The following WNK1 variants were observed in gnomAD, a reference collection of about 807,000 sequenced individuals.
WNK1 encodes serine/threonine-protein kinase WNK1.
Under a neutral mutation model 222.8 loss-of-function variants are expected in WNK1, and 38 were observed. That is an observed-to-expected ratio of 0.17 (90% CI 0.13 to 0.22). The LOEUF (loss-of-function observed/expected upper bound fraction) is 0.22. Among genes scored for constraint, WNK1 ranks in the 10% least tolerant of loss-of-function variants. The pLI, the probability that WNK1 is intolerant of heterozygous loss-of-function variation, is 1.00. For missense variants in WNK1, 2,348 were observed against 2,918.4 expected (o/e 0.80, Z 4.50); for synonymous variants, 1,090 against 1,092.9 (o/e 1.00, Z 0.05).
chr12:900,651 C>A lies in WNK1; in HGVS notation c.6624C>A (p.Ser2208Arg), dbSNP rs72650768. The change falls in exon 26 of 28, where the codon AGC becomes AGA. Residue 2208 changes from serine (S) to arginine (R), a missense_variant. Ser to Arg is a moderately radical substitution (Grantham distance 110). Transcript: ENST00000315939. ...FTSDGAISVPSLSAPGQGTSS... is the reference protein window; with the variant it reads ...FTSDGAISVPRLSAPGQGTSS... Reference sequence around the variant, plus strand: ...GTGATGGTGCCATTTCAGTACCAAGCCTTTCTGCTCCAGGTCAAGGTAATA... The same window carrying A: ...GTGATGGTGCCATTTCAGTACCAAGACTTTCTGCTCCAGGTCAAGGTAATA... 2.0e-4 allele frequency: 315 copies of A among 1,614,174 alleles called. No homozygotes were observed. The African/African-American group carries it at 3.8e-3, about 20-fold the overall frequency.
chr12:869,655 C>T (rs1188675808), intron 8 of WNK1, among the ~76,000 whole-genome samples: 1 of 151,972 alleles, frequency 6.6e-6, no homozygotes, highest in Non-Finnish European at 1.5e-5. Flanking sequence ...GAAAAGGAAA[C>T]AGTTTAGGAA....
chr12:865,654 T>C (rs747202816), intron 8 of WNK1, among the ~76,000 whole-genome samples: 19 of 152,234 alleles, frequency 1.2e-4, no homozygotes, highest in Non-Finnish European at 2.8e-4. Flanking sequence ...CGACATAAAA[T>C]TCTTTCATTT....
chr12:868,863 G>A lies in WNK1; in HGVS notation c.2140-2402G>A, dbSNP rs780190242. Reference sequence around the variant, plus strand: ...ATCGGACAGAACTGGCCAATAGGAAGCCCAGAATATTCCAGTGATTCCTCA... The same window carrying A: ...ATCGGACAGAACTGGCCAATAGGAAACCCAGAATATTCCAGTGATTCCTCA... On this transcript the variant is annotated intron_variant, in intron 8 of 27. Transcript: ENST00000315939. The A allele has an allele frequency of 1.1e-5, 18 of 1,612,238 alleles. No individual in the cohort carries two copies. Among genetic ancestry groups the A allele is most frequent in the Non-Finnish European group, 1.1e-5 (13 of 1,178,720 alleles).
chr12:827,513 A>G lies in WNK1; in HGVS notation c.1153+251A>G. 2 of 535,146 alleles carry G rather than the reference A, an allele frequency of 3.7e-6. No individual in the cohort carries two copies. Among genetic ancestry groups the G allele is most frequent in the South Asian group, 2.5e-5 (1 of 40,792 alleles). The allele number at this position is 535,146 out of a possible 1,614,324, so 33.1% of individuals were successfully genotyped here. A position where few individuals can be genotyped will look rare whatever the true frequency, so the allele number is the denominator to read the frequency against. Reference sequence around the variant, plus strand: ...CTTTGTTGATAAAACCTAATGTAATAGCCTTTTTTGTTGTTGTTGTTGTTG... The same window carrying G: ...CTTTGTTGATAAAACCTAATGTAATGGCCTTTTTTGTTGTTGTTGTTGTTG... On this transcript the variant is annotated intron_variant, in intron 3 of 27. Coordinates refer to ENST00000315939, the MANE Select transcript of WNK1 (RefSeq NM_018979.4). This position sits in a 1 kb window ranked among gnomAD's most constrained non-coding sequence, Gnocchi z 4.6.
intron 1 of WNK1, among the ~76,000 whole-genome samples, chr12:758,373 CTTTTTTTTTTT>C (rs397957357): frequency 1.5e-4 from 10 of 64,728 alleles, no homozygotes; most frequent in East Asian, 5.0e-4. Flanking sequence ...TGCTATAGTT[CTTTTTTTTTTT>C]TTTTTTTTTT....
At chr12:839,994 T>C (rs1356338595) in intron 4 of WNK1, among the ~76,000 whole-genome samples, 3 of 151,662 alleles carry the variant, frequency 2.0e-5, no homozygotes, top group African/African-American at 7.3e-5. Context: ...CCCAAAGTGC[T>C]GGGATTACAG....
chr12:811,354 G>A (rs1946887832), intron 1 of WNK1, among the ~76,000 whole-genome samples: 1 of 152,072 alleles, frequency 6.6e-6, no homozygotes, highest in East Asian at 1.9e-4. Flanking sequence ...CTTCTGAGAA[G>A]AAAATTATTT....
In WNK1 at chr12:908,700, C is replaced by A. The variant is rs748673917; in HGVS notation, c.7057C>A (p.Pro2353Thr). The change falls in exon 28 of 28, where the codon CCT becomes ACT. Residue 2353 changes from proline to threonine, a missense_variant. By Grantham distance (38) the Pro-to-Thr change is conservative (BLOSUM62 -1). Coordinates refer to ENST00000315939, the MANE Select transcript of WNK1 (RefSeq NM_018979.4). Reference protein sequence around the residue: ...PAPQPLGQFQPVGTASLQNFN... With the variant: ...PAPQPLGQFQTVGTASLQNFN... ...ACCACAGCCACTTGGCCAGTTCCAA[C>A]CTGTGGGAACTGCCTCCTTGCAGAA... is the stretch of plus-strand genomic sequence containing the variant. 1 of 1,614,036 alleles carries A rather than the reference C, an allele frequency of 6.2e-7. No individual in the cohort carries two copies.
chr12:821,042 G>GTTT (rs60880879), intron 2 of WNK1, among the ~76,000 whole-genome samples: 1,216 of 78,896 alleles, frequency 0.015, 12 homozygotes, highest in African/African-American at 0.018. Flanking sequence ...AGTTTCTTGA[G>GTTT]TTTTTTTTTT....
At chr12:861,895 G>A (rs1444516915) in intron 7 of WNK1, among the ~76,000 whole-genome samples, 188 bp from the exon 8 acceptor site, 4 of 152,104 alleles carry the variant, frequency 2.6e-5, no homozygotes, top group Admixed American at 6.5e-5. Context: ...ATAGCCATAT[G>A]GATTCCTCAT....
At chr12:768,039 G>T (rs1477667707) in intron 1 of WNK1, among the ~76,000 whole-genome samples, 2 of 152,160 alleles carry the variant, frequency 1.3e-5, no homozygotes, top group Non-Finnish European at 2.9e-5. Context: ...TTAAATATTT[G>T]TTCTGCCTAC....
At chr12:888,389 C>T (rs1953875552) in intron 20 of WNK1, among the ~76,000 whole-genome samples, 2 of 152,126 alleles carry the variant, frequency 1.3e-5, no homozygotes, top group African/African-American at 4.8e-5. Context: ...CATTTAAAAA[C>T]ATGGATTCAG....
At position 827,403 on chromosome 12, in the gene WNK1, T is replaced by G. The variant is rs1311474771; in HGVS notation, c.1153+141T>G. On this transcript the variant is annotated intron_variant, in intron 3 of 27. Transcript: ENST00000315939. The surrounding 1 kb of genome is among the most constrained non-coding windows in gnomAD (Gnocchi z 4.6). ...CTCAGGAGGTGATCCATTGTACTTATGAGATATAGGATTCTCTATATTTGT... is the reference window on the plus strand; with the variant it reads ...CTCAGGAGGTGATCCATTGTACTTAGGAGATATAGGATTCTCTATATTTGT... 1.4e-6 allele frequency: 1 copy of G among 728,708 alleles called. No individual in the cohort carries two copies. The highest frequency in any genetic ancestry group is 1.8e-5 in the African/African-American group (1 of 56,966). The allele number at this position is 728,708 out of a possible 1,614,324, so 45.1% of individuals were successfully genotyped here. A position where few individuals can be genotyped will look rare whatever the true frequency, so the allele number is the denominator to read the frequency against.
At chr12:843,100 T>C (rs573797784) in intron 4 of WNK1, among the ~76,000 whole-genome samples, 1 of 152,270 alleles carries the variant, frequency 6.6e-6, no homozygotes, top group East Asian at 1.9e-4. Flanking sequence ...CATGCCCAAC[T>C]AATTTTTGTA....
intron 4 of WNK1, among the ~76,000 whole-genome samples, chr12:854,643 T>C (rs1950647033): frequency 6.6e-6 from 1 of 152,128 alleles, no homozygotes; most frequent in African/African-American, 2.4e-5. Context: ...CCACCATGCC[T>C]GGCCAAGAAC....
At chr12:869,759 A>T (rs989625469) in intron 8 of WNK1, among the ~76,000 whole-genome samples, 7 of 152,082 alleles carry the variant, frequency 4.6e-5, no homozygotes, top group African/African-American at 1.7e-4. Flanking sequence ...GCTAATTCAT[A>T]AAATTAAGGA....
chr12:779,262 C>T (rs2107613), intron 1 of WNK1, among the ~76,000 whole-genome samples: 109,576 of 151,966 alleles, frequency 0.72, 40,040 homozygotes, highest in East Asian at 0.87. Flanking sequence ...TGGTATTTGC[C>T]TTCAGATTTC....
chr12:821,829 T>G (rs567835505), intron 2 of WNK1, among the ~76,000 whole-genome samples: 1 of 152,182 alleles, frequency 6.6e-6, no homozygotes, highest in East Asian at 1.9e-4. Context: ...TTGCCTGATA[T>G]TAGTTTTGCT....
intron 6 of WNK1, among the ~76,000 whole-genome samples, chr12:859,864 T>G (rs1951073355): frequency 6.6e-6 from 1 of 151,754 alleles, no homozygotes; most frequent in African/African-American, 2.4e-5. Context: ...CATAGGGACG[T>G]GCCACCACAC....
Sources: allele counts gnomAD v4.1 joint callset (sites outside exome capture counted in the v4.1 genomes callset), GRCh38; gene constraint gnomAD v4.1.1; non-coding constraint Gnocchi (gnomAD v3.1); transcripts MANE v1.5; gene names NCBI Gene and HGNC (gene_info 2026-07-23, HGNC 2026-07-21).